PIGK: variants seen among roughly 807,000 people sequenced by gnomAD.
The protein encoded by PIGK is phosphatidylinositol glycan anchor biosynthesis class K, also known as GPI-anchor transamidase.
PIGK carries 42 observed loss-of-function variants against 50.6 expected under a neutral mutation model. The observed-to-expected ratio is 0.83, with a 90% CI of 0.65 to 1.07. The LOEUF is 1.07. Among genes scored for constraint, PIGK ranks in the 50% least tolerant of loss-of-function variants. PIGK has a pLI of 0.00. For missense variants in PIGK, 448 were observed against 488.7 expected, an observed-to-expected ratio of 0.92 and a Z score of 0.78; for synonymous variants, 151 against 156.0, an observed-to-expected ratio of 0.97 and a Z score of 0.24.
intron 9 of PIGK, among the ~76,000 whole-genome samples, chr1:77,135,023 A>C (rs966743387): frequency 1.3e-5 from 2 of 151,986 alleles, no homozygotes; most frequent in Non-Finnish European, 2.9e-5. Flanking sequence ...ATTAAGACTT[A>C]CTCTTTTGGC....
chr1:77,109,289 T>G (rs976694679), intron 10 of PIGK, among the ~76,000 whole-genome samples: 2 of 152,200 alleles, frequency 1.3e-5, no homozygotes, highest in Non-Finnish European at 2.9e-5. Context: ...TACCAAAGCC[T>G]GGCAGAGACA....
At chr1:77,111,967 A>G (rs1419166639) in intron 10 of PIGK, among the ~76,000 whole-genome samples, 3 of 152,088 alleles carry the variant, frequency 2.0e-5, no homozygotes, top group Non-Finnish European at 4.4e-5. Context: ...ATAATTAAAT[A>G]CACTGATTAG....
At chr1:77,137,228 A>C (rs1384859606) in intron 9 of PIGK, among the ~76,000 whole-genome samples, 2 of 152,210 alleles carry the variant, frequency 1.3e-5, no homozygotes, top group Non-Finnish European at 2.9e-5. Context: ...AATGTGAGAT[A>C]GTATAGCCAA....
chr1:77,203,699 G>C (rs1656222722), intron 3 of PIGK, among the ~76,000 whole-genome samples: 1 of 152,186 alleles, frequency 6.6e-6, no homozygotes, highest in East Asian at 1.9e-4. Flanking sequence ...AGCCACAGCA[G>C]AAGGACATAA....
chr1:77,141,509 T>C (rs1028756530), intron 9 of PIGK, among the ~76,000 whole-genome samples: 2 of 152,080 alleles, frequency 1.3e-5, no homozygotes, highest in Non-Finnish European at 2.9e-5. Context: ...CACAATTTCA[T>C]CAAATTAAAG....
At chr1:77,199,379 T>C (rs1656110226) in intron 3 of PIGK, among the ~76,000 whole-genome samples, 1 of 152,048 alleles carries the variant, frequency 6.6e-6, no homozygotes, top group Admixed American at 6.6e-5. Context: ...TTTTAGGAAG[T>C]ATTTTAGAAA....
intron 9 of PIGK, among the ~76,000 whole-genome samples, chr1:77,132,145 T>C (rs1039306396): frequency 1.3e-5 from 2 of 152,046 alleles, no homozygotes; most frequent in African/African-American, 2.4e-5. Flanking sequence ...TATATCCTTA[T>C]ACTGAAAATG....
chr1:77,110,799 A>G (rs1653823227), intron 10 of PIGK, among the ~76,000 whole-genome samples: 1 of 152,230 alleles, frequency 6.6e-6, no homozygotes, highest in South Asian at 2.1e-4. Context: ...ACAGCAAAAG[A>G]AACTACTATC....
intron 3 of PIGK, among the ~76,000 whole-genome samples, chr1:77,205,698 G>A (rs1656271218): frequency 6.6e-6 from 1 of 152,050 alleles, no homozygotes; most frequent in Non-Finnish European, 1.5e-5. Flanking sequence ...TTTCCACACT[G>A]ACTCACTGGT....
At chr1:77,147,454 T>A (rs1000292830) in intron 9 of PIGK, among the ~76,000 whole-genome samples, 2 of 151,968 alleles carry the variant, frequency 1.3e-5, no homozygotes, top group East Asian at 3.9e-4. Flanking sequence ...GGTGAGTGTT[T>A]AGAGTTCATA....
chr1:77,185,122 C>CA (rs1254819993), intron 3 of PIGK, among the ~76,000 whole-genome samples: 1 of 152,200 alleles, frequency 6.6e-6, no homozygotes, highest in Non-Finnish European at 1.5e-5. Context: ...GGTATGTAGC[C>CA]ACTGATTCGG....
chr1:77,215,392 A>T (rs1242328685), intron 1 of PIGK, among the ~76,000 whole-genome samples: 2 of 152,140 alleles, frequency 1.3e-5, no homozygotes, highest in Non-Finnish European at 2.9e-5. Flanking sequence ...AGTGCCTATT[A>T]TCAAAAAGAC....
chr1:77,188,294 A>G lies in PIGK; in HGVS notation c.239+18346T>C, dbSNP rs528078732. 5.9e-5 allele frequency among the ~76,000 whole-genome samples: 9 copies of G among 152,280 alleles called. No individual in the cohort carries two copies. The East Asian group carries it at 1.5e-3, about 26-fold the overall frequency. On this transcript the variant is annotated intron_variant, in intron 3 of 10. Coordinates refer to ENST00000370812, the MANE Select transcript of PIGK (RefSeq NM_005482.3). Reference sequence around the variant, plus strand: ...TCAGCATGGAACATCCCTGAGAAAGAGAATATGTGCCTGGAGGTATAGGCT... The same window carrying G: ...TCAGCATGGAACATCCCTGAGAAAGGGAATATGTGCCTGGAGGTATAGGCT...
intron 10 of PIGK, among the ~76,000 whole-genome samples, 163 bp downstream of exon 10, chr1:77,122,112 T>C (rs1654110996): frequency 6.6e-6 from 1 of 152,206 alleles, no homozygotes; most frequent in Non-Finnish European, 1.5e-5. Context: ...TATTGTGCTT[T>C]GAATGGGACT....
chr1:77,094,679 G>C (rs1653368949), intron 10 of PIGK, among the ~76,000 whole-genome samples: 1 of 152,130 alleles, frequency 6.6e-6, no homozygotes, highest in Admixed American at 6.6e-5. Flanking sequence ...ACAGTTGCCA[G>C]AGATAAGACA....
chr1:77,188,056 C>A (rs537461385), intron 3 of PIGK, among the ~76,000 whole-genome samples: 1 of 152,110 alleles, frequency 6.6e-6, no homozygotes, highest in Non-Finnish European at 1.5e-5. Context: ...CCTCAGGACC[C>A]TGCACTAATT....
intron 9 of PIGK, among the ~76,000 whole-genome samples, chr1:77,151,558 T>C (rs183824962): frequency 1.3e-5 from 2 of 152,282 alleles, no homozygotes; most frequent in East Asian, 3.9e-4. Context: ...AGTCAAATTA[T>C]CTTTGTGTGC....
chr1:77,103,692 C>G (rs1321638185), intron 10 of PIGK, among the ~76,000 whole-genome samples: 1 of 152,090 alleles, frequency 6.6e-6, no homozygotes, highest in Non-Finnish European at 1.5e-5. Context: ...GGAAGTGACA[C>G]AAATTAGAAT....
chr1:77,214,052 T>G (rs1656489459), intron 1 of PIGK, among the ~76,000 whole-genome samples: 1 of 152,096 alleles, frequency 6.6e-6, no homozygotes, highest in Non-Finnish European at 1.5e-5. Context: ...AGTCCCTCAA[T>G]GAAGAAAAGC....
Sources: gnomAD v4.1 joint callset for allele counts (sites outside exome capture counted in the v4.1 genomes callset) on GRCh38, gnomAD v4.1.1 for gene constraint, MANE v1.5 for transcripts, NCBI Gene and HGNC (gene_info 2026-07-23, HGNC 2026-07-21) for gene names.